The following PATJ variants were observed in gnomAD, a reference collection of about 807,000 sequenced individuals.
PATJ encodes PATJ crumbs cell polarity complex component.
PATJ carries 190 observed loss-of-function variants against 224.9 expected under a neutral mutation model. The ratio of observed to expected loss-of-function variants is 0.84; its 90% CI spans 0.75 to 0.95. PATJ has a LOEUF of 0.95. Ranked by LOEUF, PATJ falls within the 40% of genes least tolerant of loss-of-function variation. The pLI is 0.00. For missense variants in PATJ, 2,121 were observed against 2,270.3 expected (o/e 0.93, Z 1.34); for synonymous variants, 769 against 820.3 (o/e 0.94, Z 1.07).
At chr1:61,932,497 G>C (rs1676178596) in intron 27 of PATJ, among the ~76,000 whole-genome samples, 1 of 152,178 alleles carries the variant, frequency 6.6e-6, no homozygotes, top group Non-Finnish European at 1.5e-5. Flanking sequence ...ACCTTCAATG[G>C]TCAAGGGTGG....
intron 28 of PATJ, among the ~76,000 whole-genome samples, chr1:62,012,404 G>C (rs1414628974): frequency 1.3e-5 from 2 of 152,120 alleles, no homozygotes. Context: ...ACGGTGTTCT[G>C]CACTCAGTAA....
chr1:62,106,115 C>CACACACAT (rs140461579), intron 33 of PATJ, among the ~76,000 whole-genome samples: 3,373 of 46,408 alleles, frequency 0.073, 753 homozygotes, highest in East Asian at 0.57. Context: ...CACACACACA[C>CACACACAT]ACACAAACAC....
At chr1:61,848,954 A>T (rs935126994) in intron 17 of PATJ, among the ~76,000 whole-genome samples, 13 of 152,050 alleles carry the variant, frequency 8.5e-5, no homozygotes, top group African/African-American at 2.9e-4. Context: ...ATCCAATATT[A>T]CAGAGCTAAC....
chr1:61,813,395 A>G (rs1418121789), intron 14 of PATJ, among the ~76,000 whole-genome samples: 1 of 144,016 alleles, frequency 6.9e-6, no homozygotes, highest in Admixed American at 7.0e-5. Context: ...ACACACACAC[A>G]CACATACACA....
intron 31 of PATJ, among the ~76,000 whole-genome samples, chr1:62,055,677 A>G (rs879508810): frequency 6.6e-6 from 1 of 152,246 alleles, no homozygotes; most frequent in Admixed American, 6.5e-5. Context: ...AGAAGGAACA[A>G]CTATTCCAAG....
intron 11 of PATJ, among the ~76,000 whole-genome samples, chr1:61,800,849 T>A (rs11207839): frequency 0.093 from 14,114 of 152,068 alleles, 2,016 homozygotes; most frequent in African/African-American, 0.31. Flanking sequence ...TCTGTCCTTG[T>A]GATAGTTTGC....
rs1326947958 is a variant in PATJ at position 62,086,306 on chromosome 1, T to TTGTG, written c.4377+1668_4377+1671dup. On this transcript the variant is annotated intron_variant, in intron 33 of 43. Coordinates refer to ENST00000642238, the MANE Select transcript of PATJ (RefSeq NM_001350145.3). This position sits in a 1 kb window ranked among gnomAD's most constrained non-coding sequence, Gnocchi z 4.0. ...AAGTTAAATTGATACAAAAGGAAAA[T>TTGTG]TGTGTGTGTGTGTATGTAATACCTG... Among the ~76,000 whole-genome samples the TTGTG allele has an allele frequency of 6.6e-6, 1 of 150,664 alleles. No individual in the cohort carries two copies. Among genetic ancestry groups the TTGTG allele is most frequent in the African/African-American group, 2.5e-5 (1 of 40,516 alleles).
At chr1:61,937,654 T>C (rs868513161) in intron 27 of PATJ, among the ~76,000 whole-genome samples, 6,417 of 149,444 alleles carry the variant, frequency 0.043, 502 homozygotes, top group African/African-American at 0.15. Context: ...CTTCTTCTTT[T>C]TTTTTTTTTT....
chr1:62,079,307 C>T (rs1658863946), intron 31 of PATJ, 143 bp from the exon 32 acceptor site: 1 of 601,582 alleles, frequency 1.7e-6, no homozygotes, highest in Non-Finnish European at 3.0e-6. Context: ...ATCATCCTAA[C>T]TTCTTGCCAC....
At chr1:61,908,022 G>C (rs1672089858) in intron 24 of PATJ, among the ~76,000 whole-genome samples, 3 of 152,134 alleles carry the variant, frequency 2.0e-5, no homozygotes, top group African/African-American at 7.2e-5. Flanking sequence ...GATATTCCCA[G>C]CCTCCCTTAT....
At chr1:61,847,358 A>G (rs984277442) in intron 17 of PATJ, among the ~76,000 whole-genome samples, 1 of 151,990 alleles carries the variant, frequency 6.6e-6, no homozygotes, top group African/African-American at 2.4e-5. Flanking sequence ...CTTCTCTTCC[A>G]TTTTGCTTTT....
At chr1:61,988,836 T>C (rs553408972) in intron 27 of PATJ, among the ~76,000 whole-genome samples, 1 of 152,366 alleles carries the variant, frequency 6.6e-6, no homozygotes, top group East Asian at 1.9e-4. Flanking sequence ...CACTCTACCT[T>C]AAGACAAATG....
At chr1:61,762,819 T>A (rs1646042111) in intron 1 of PATJ, 39 bp from the exon 2 acceptor site, 3 of 898,660 alleles carry the variant, frequency 3.3e-6, no homozygotes, top group Non-Finnish European at 5.2e-6. Flanking sequence ...CCATATACAA[T>A]TGAAATTCAT....
intron 24 of PATJ, among the ~76,000 whole-genome samples, chr1:61,902,630 TAA>T (rs1451863268): frequency 1.3e-5 from 2 of 152,182 alleles, no homozygotes; most frequent in Non-Finnish European, 2.9e-5. Context: ...GTGCAATATT[TAA>T]AACAATTTTC....
intron 33 of PATJ, among the ~76,000 whole-genome samples, chr1:62,107,848 T>C (rs922421643): frequency 5.9e-5 from 9 of 152,220 alleles, no homozygotes; most frequent in African/African-American, 2.2e-4. Flanking sequence ...ATTTTATGGC[T>C]CAGATTGCTG....
At chr1:61,753,116 G>T (rs1234869331) in intron 1 of PATJ, among the ~76,000 whole-genome samples, 1 of 152,126 alleles carries the variant, frequency 6.6e-6, no homozygotes, top group African/African-American at 2.4e-5. Context: ...GGAAACAATA[G>T]AAACTTAAAC....
chr1:61,752,784 A>T (rs1645408403), intron 1 of PATJ, among the ~76,000 whole-genome samples: 1 of 152,230 alleles, frequency 6.6e-6, no homozygotes, highest in Admixed American at 6.6e-5. Context: ...AGGCTTAAGC[A>T]TATATCTGCA....
At chr1:62,104,764 C>T (rs1440778654) in intron 33 of PATJ, among the ~76,000 whole-genome samples, 3 of 152,092 alleles carry the variant, frequency 2.0e-5, no homozygotes, top group African/African-American at 4.8e-5. Flanking sequence ...CTCTGCCTCC[C>T]GGGTTCAAGT....
At chr1:61,786,712 C>T (rs1648610706) in intron 7 of PATJ, among the ~76,000 whole-genome samples, 1 of 151,998 alleles carries the variant, frequency 6.6e-6, no homozygotes, top group Admixed American at 6.6e-5. Flanking sequence ...TATATCTTGG[C>T]CGGGCGCAGT....
Sources: gnomAD v4.1 joint callset for allele counts (sites outside exome capture counted in the v4.1 genomes callset) on GRCh38, gnomAD v4.1.1 for gene constraint, Gnocchi (gnomAD v3.1) non-coding constraint, MANE v1.5 for transcripts, NCBI Gene and HGNC (gene_info 2026-07-23, HGNC 2026-07-21) for gene names.